CCSER1: variants seen among roughly 807,000 people sequenced by gnomAD.
CCSER1 encodes serine-rich coiled-coil domain-containing protein 1.
CCSER1 carries 41 observed loss-of-function variants against 82.0 expected under a neutral mutation model. The ratio of observed to expected loss-of-function variants is 0.50; its 90% CI spans 0.39 to 0.65. CCSER1 has a LOEUF of 0.65. Ranked by LOEUF, CCSER1 falls within the 30% of genes least tolerant of loss-of-function variation. CCSER1 has a pLI of 0.00. For missense variants in CCSER1, 1,119 were observed against 1,064.2 expected (o/e 1.05, Z -0.72); for synonymous variants, 414 against 383.9 (o/e 1.08, Z -0.92).
rs1046511625 is a variant in CCSER1 at position 90,374,441 on chromosome 4, T to C, written c.1510-25595T>C. On this transcript the variant is annotated intron_variant, in intron 3 of 10. Transcript: ENST00000509176. ...GGATTTCCTTGACAATCAATTCAAC[T>C]GATGGGATTCAGGCAAGGTTTGCAG... Among the ~76,000 whole-genome samples the C allele has an allele frequency of 1.2e-4, 18 of 152,170 alleles. 1 individual carries two copies. The highest frequency in any genetic ancestry group is 1.1e-3 in the Admixed American group (17 of 15,260).
At chr4:91,312,819 T>C (rs994322258) in intron 10 of CCSER1, among the ~76,000 whole-genome samples, 5 of 151,944 alleles carry the variant, frequency 3.3e-5, no homozygotes, top group African/African-American at 9.7e-5. Flanking sequence ...AAAATTGCAC[T>C]TGTACCCTAT....
chr4:90,601,683 T>G (rs1441865128), intron 5 of CCSER1, among the ~76,000 whole-genome samples: 1 of 151,782 alleles, frequency 6.6e-6, no homozygotes, highest in Non-Finnish European at 1.5e-5. Flanking sequence ...ATCTCTAATA[T>G]GGGTGTTTAG....
chr4:90,702,924 C>G (rs1250696408), intron 6 of CCSER1, among the ~76,000 whole-genome samples: 1 of 152,148 alleles, frequency 6.6e-6, no homozygotes, highest in Non-Finnish European at 1.5e-5. Context: ...AAAAAACCAG[C>G]TCCTGGATTC....
At chr4:91,424,252 C>G (rs1753848326) in intron 10 of CCSER1, among the ~76,000 whole-genome samples, 1 of 151,572 alleles carries the variant, frequency 6.6e-6, no homozygotes, top group Admixed American at 6.6e-5. Flanking sequence ...CTCCTGACCT[C>G]ATGATCCACC....
intron 10 of CCSER1, among the ~76,000 whole-genome samples, chr4:91,583,080 T>C (rs1763810562): frequency 6.6e-6 from 1 of 151,356 alleles, no homozygotes; most frequent in Non-Finnish European, 1.5e-5. Context: ...GAGCCACTGA[T>C]AAATTTCTCA....
chr4:91,559,061 A>G (rs943426049), intron 10 of CCSER1, among the ~76,000 whole-genome samples: 4 of 151,462 alleles, frequency 2.6e-5, no homozygotes, highest in African/African-American at 2.4e-5. Flanking sequence ...GTGTACTACT[A>G]TAAGTTTACC....
At chr4:91,059,030 A>T (rs993514173) in intron 9 of CCSER1, among the ~76,000 whole-genome samples, 3 of 152,054 alleles carry the variant, frequency 2.0e-5, no homozygotes, top group African/African-American at 7.2e-5. Flanking sequence ...AAAAATAAGA[A>T]ATGTTGTACT....
chr4:91,324,188 T>C (rs1380003806), intron 10 of CCSER1, among the ~76,000 whole-genome samples: 1 of 152,192 alleles, frequency 6.6e-6, no homozygotes, highest in Non-Finnish European at 1.5e-5. Context: ...TTTATACATA[T>C]AAGGTTTTAT....
chr4:90,254,015 T>A (rs1365294292), intron 1 of CCSER1, among the ~76,000 whole-genome samples: 1 of 152,200 alleles, frequency 6.6e-6, no homozygotes, highest in Non-Finnish European at 1.5e-5. Flanking sequence ...AAATGAGACT[T>A]TGAGACTTAT....
At chr4:91,371,827 AGG>A (rs55708376) in intron 10 of CCSER1, among the ~76,000 whole-genome samples, 129,356 of 152,064 alleles carry the variant, frequency 0.85, 55,395 homozygotes, top group African/African-American at 0.96. Flanking sequence ...CCATCACCGT[AGG>A]ACCTAGGTGA....
chr4:90,370,328 TTC>T (rs1561113451), intron 3 of CCSER1: 1 of 152,018 alleles, frequency 6.6e-6, no homozygotes, highest in African/African-American at 2.4e-5. Flanking sequence ...GAAGGTAGCT[TTC>T]TAGAACTTCT....
At chr4:90,137,130 A>T (rs547725029) in intron 1 of CCSER1, among the ~76,000 whole-genome samples, 13 of 152,338 alleles carry the variant, frequency 8.5e-5, no homozygotes, top group African/African-American at 2.9e-4. Flanking sequence ...GTACTCATTA[A>T]TAAATGAGCT....
chr4:90,872,691 A>C (rs1415345329), intron 8 of CCSER1, among the ~76,000 whole-genome samples: 1 of 151,896 alleles, frequency 6.6e-6, no homozygotes, highest in Non-Finnish European at 1.5e-5. Flanking sequence ...TTTGTCTGTC[A>C]ACTTACTATT....
In CCSER1 at chr4:90,271,840, ATATATATATATATATATATATATTT is replaced by A. The variant is rs1560918589; in HGVS notation, c.-41-36402_-41-36378del. Among the ~76,000 whole-genome samples, 4 of 20,572 alleles carry A rather than the reference ATATATATATATATATATATATATTT, an allele frequency of 1.9e-4. 1 individual carries two copies. The highest frequency in any genetic ancestry group is 3.1e-4 in the Non-Finnish European group (4 of 12,806). The allele number at this position is 20,572 out of a possible 152,430, so 13.5% of individuals were successfully genotyped here. ...GACTGGACAATTTATATATATATAT[ATATATATATATATATATATATATTT>A]TTTTTTTTTTTTTTTTTTTTTTTTT... is the stretch of plus-strand genomic sequence containing the variant. On this transcript the variant is annotated intron_variant, in intron 1 of 10. Coordinates refer to ENST00000509176, the MANE Select transcript of CCSER1 (RefSeq NM_001145065.2).
At chr4:90,730,790 A>G (rs961221858) in intron 7 of CCSER1, among the ~76,000 whole-genome samples, 1 of 152,154 alleles carries the variant, frequency 6.6e-6, no homozygotes, top group African/African-American at 2.4e-5. Flanking sequence ...CAACTGCAAA[A>G]GCAAGAGAAT....
intron 8 of CCSER1, among the ~76,000 whole-genome samples, chr4:90,867,769 C>G (rs1306746388): frequency 2.0e-5 from 3 of 151,948 alleles, no homozygotes; most frequent in Admixed American, 2.0e-4. Context: ...TAATTTTTGG[C>G]TCCCACAAAT....
chr4:90,600,983 A>T lies in CCSER1; in HGVS notation c.1725-27042A>T, dbSNP rs529338978. On this transcript the variant is annotated intron_variant, in intron 5 of 10. Coordinates refer to ENST00000509176, the MANE Select transcript of CCSER1 (RefSeq NM_001145065.2). Reference sequence around the variant, plus strand: ...ATTTTATTTCAAATCTATTTTTTTCATTGCTAATGTATTGAATACAATGGA... The same window carrying T: ...ATTTTATTTCAAATCTATTTTTTTCTTTGCTAATGTATTGAATACAATGGA... Among the ~76,000 whole-genome samples, 55 of 150,556 alleles carry T rather than the reference A, an allele frequency of 3.7e-4. 1 individual carries two copies. The South Asian group carries it at 0.01, about 27-fold the overall frequency.
chr4:90,654,690 C>G lies in CCSER1; in HGVS notation c.1932+26458C>G, dbSNP rs77408983. On this transcript the variant is annotated intron_variant, in intron 6 of 10. Coordinates refer to ENST00000509176, the MANE Select transcript of CCSER1 (RefSeq NM_001145065.2). ...CCCTTTATTGTACGCCTAACCCTCT[C>G]TCAGTTTCTTGGGCTATATTATTTA... Among the ~76,000 whole-genome samples, 1,070 of 152,176 alleles carry G rather than the reference C, an allele frequency of 7.0e-3. 15 individuals are homozygous for G. Among genetic ancestry groups the G allele is most frequent in the African/African-American group, 0.024 (1,011 of 41,532 alleles).
chr4:90,870,115 A>G (rs1380775292), intron 8 of CCSER1, among the ~76,000 whole-genome samples: 2 of 151,960 alleles, frequency 1.3e-5, no homozygotes, highest in African/African-American at 4.8e-5. Flanking sequence ...GATTTTTCAA[A>G]TATAAGATCA....
Sources: gnomAD v4.1 joint callset for allele counts (sites outside exome capture counted in the v4.1 genomes callset) on GRCh38, gnomAD v4.1.1 for gene constraint, MANE v1.5 for transcripts, NCBI Gene and HGNC (gene_info 2026-07-23, HGNC 2026-07-21) for gene names.